Variants in KCNIP4 observed in about 807,000 individuals in gnomAD.
KCNIP4 encodes the protein potassium voltage-gated channel interacting protein 4, also known as Kv channel-interacting protein 4.
Under a neutral mutation model 34.0 loss-of-function variants are expected in KCNIP4, and 12 were observed. The observed-to-expected ratio is 0.35, with a 90% confidence interval of 0.23 to 0.57. The LOEUF (loss-of-function observed/expected upper bound fraction) is 0.57, where lower values mean the gene tolerates loss of function less well. Ranked by LOEUF, KCNIP4 falls within the 20% of genes least tolerant of loss-of-function variation. The pLI is 0.83. For missense variants in KCNIP4, 238 were observed against 311.7 expected, an observed-to-expected ratio of 0.76 and a Z score of 1.78; for synonymous variants, 124 against 102.2, an observed-to-expected ratio of 1.21 and a Z score of -1.29.
intron 1 of KCNIP4, among the ~76,000 whole-genome samples, chr4:21,838,473 AC>A (rs1226578640): frequency 9.2e-5 from 14 of 152,150 alleles, no homozygotes; most frequent in African/African-American, 3.4e-4. Context: ...GAACCTTTCC[AC>A]CCCAGTCATA....
intron 1 of KCNIP4, among the ~76,000 whole-genome samples, chr4:21,307,723 C>T (rs1227496549): frequency 6.6e-6 from 1 of 152,158 alleles, no homozygotes; most frequent in Non-Finnish European, 1.5e-5. Context: ...ACCAGCATGC[C>T]TCCTCTGCCT....
chr4:21,090,141 G>A (rs1261676245), intron 1 of KCNIP4, among the ~76,000 whole-genome samples: 2 of 152,112 alleles, frequency 1.3e-5, no homozygotes, highest in South Asian at 2.1e-4. Context: ...TTTTTCACAC[G>A]TATAGCCTGT....
At chr4:20,798,884 A>G (rs189946399) in intron 3 of KCNIP4, among the ~76,000 whole-genome samples, 10 of 152,276 alleles carry the variant, frequency 6.6e-5, no homozygotes, top group Admixed American at 2.6e-4. Context: ...GCTGAGCTAT[A>G]TTCAGAGAAG....
At chr4:21,303,984 T>A (rs561192370) in intron 1 of KCNIP4, 7 of 1,537,478 alleles carry the variant, frequency 4.6e-6, no homozygotes, top group East Asian at 2.4e-5. Flanking sequence ...GCCATTAAAC[T>A]ACATTAAGAA....
intron 3 of KCNIP4, among the ~76,000 whole-genome samples, chr4:20,762,321 A>G (rs562398155): frequency 5.9e-4 from 90 of 152,302 alleles, no homozygotes; most frequent in Non-Finnish European, 1.2e-3. Flanking sequence ...TCCTAATACT[A>G]TCACATTGGG....
intron 2 of KCNIP4, among the ~76,000 whole-genome samples, chr4:20,874,867 C>A (rs1723842193): frequency 6.6e-6 from 1 of 152,032 alleles, no homozygotes; most frequent in African/African-American, 2.4e-5. Flanking sequence ...AACGATAGGG[C>A]CAATTGGTAT....
rs1366204923 is a variant in KCNIP4 at position 21,247,759 on chromosome 4, T to TATATATATATATATAC, written c.62-365051_62-365050insGTATATATATATATAT. Among the ~76,000 whole-genome samples the TATATATATATATATAC allele has an allele frequency of 4.7e-4, 56 of 119,994 alleles. 2 individuals carry two copies. The highest frequency in any genetic ancestry group is 1.9e-3 in the African/African-American group (52 of 28,034). The allele number at this position is 119,994 out of a possible 152,430, so 78.7% of individuals were successfully genotyped here. A position where few individuals can be genotyped will look rare whatever the true frequency, so the allele number is the denominator to read the frequency against. ...GGATATATATATATATATATATATA[T>TATATATATATATATAC]ACACCCCACAGGTGTTTTTTATATA... On this transcript the variant is annotated intron_variant, in intron 1 of 8. Coordinates refer to ENST00000382152, the MANE Select transcript of KCNIP4 (RefSeq NM_025221.6).
intron 1 of KCNIP4, among the ~76,000 whole-genome samples, chr4:21,754,824 G>A (rs1214630832): frequency 6.6e-6 from 1 of 152,132 alleles, no homozygotes; most frequent in Non-Finnish European, 1.5e-5. Flanking sequence ...ATTTAGGACA[G>A]TTTTATCTTG....
At chr4:21,006,260 G>A (rs1319345114) in intron 1 of KCNIP4, among the ~76,000 whole-genome samples, 1 of 152,184 alleles carries the variant, frequency 6.6e-6, no homozygotes, top group Admixed American at 6.5e-5. Context: ...GTAGATAAGA[G>A]AAATTTAGAT....
chr4:21,172,948 A>G (rs977568441), intron 1 of KCNIP4, among the ~76,000 whole-genome samples: 6 of 152,088 alleles, frequency 3.9e-5, no homozygotes, highest in Non-Finnish European at 8.8e-5. Context: ...TCAGTGCCCA[A>G]CCTCATCCCC....
At chr4:21,527,104 G>T (rs1736031755) in intron 1 of KCNIP4, among the ~76,000 whole-genome samples, 1 of 152,090 alleles carries the variant, frequency 6.6e-6, no homozygotes, top group South Asian at 2.1e-4. Flanking sequence ...CCATTACAAG[G>T]GTTATGGCAT....
intron 1 of KCNIP4, among the ~76,000 whole-genome samples, chr4:21,762,617 TGCAAACATAAAACAAACCA>T (rs1412192014): frequency 6.6e-6 from 1 of 152,124 alleles, no homozygotes; most frequent in African/African-American, 2.4e-5. Context: ...GTTCCTCATC[TGCAAACATAAAACAAACCA>T]GCAAGGACAC....
intron 1 of KCNIP4, among the ~76,000 whole-genome samples, chr4:21,484,114 A>T (rs776019376): frequency 5.3e-5 from 8 of 152,050 alleles, no homozygotes; most frequent in Non-Finnish European, 1.0e-4. Flanking sequence ...ATATTGAATC[A>T]TGTAATTTTC....
intron 1 of KCNIP4, among the ~76,000 whole-genome samples, chr4:21,021,859 C>CGTATAGTATA (rs148164124): frequency 0.087 from 12,681 of 145,828 alleles, 612 homozygotes; most frequent in Admixed American, 0.13. Flanking sequence ...AGTATAGTAT[C>CGTATAGTATA]GTATAGTATA....
intron 1 of KCNIP4, among the ~76,000 whole-genome samples, chr4:21,125,188 C>CTTATTTTATTTTATTTTATTTTATT (rs71189682): frequency 0.1 from 11,993 of 118,960 alleles, 1,030 homozygotes; most frequent in Non-Finnish European, 0.13. Context: ...TTTATTTTGT[C>CTTATTTTATTTTATTTTATTTTATT]TTATTTTATT....
At chr4:21,526,528 C>T (rs1274108499) in intron 1 of KCNIP4, among the ~76,000 whole-genome samples, 2 of 151,964 alleles carry the variant, frequency 1.3e-5, no homozygotes, top group African/African-American at 2.4e-5. Flanking sequence ...AAGTTATGCA[C>T]CTTTCCTTGA....
chr4:21,354,946 G>A lies in KCNIP4; in HGVS notation c.62-472237C>T, dbSNP rs149587501. On this transcript the variant is annotated intron_variant, in intron 1 of 8. Transcript: ENST00000382152. ...AAAAGAACAGAAATCATAACAAACTGTCTCTCAGATTACAGTGCAATCAAA... is the reference window on the plus strand; with the variant it reads ...AAAAGAACAGAAATCATAACAAACTATCTCTCAGATTACAGTGCAATCAAA... Among the ~76,000 whole-genome samples, 130 of 152,224 alleles carry A rather than the reference G, an allele frequency of 8.5e-4. 3 individuals carry two copies. The East Asian group carries it at 0.025, about 29-fold the overall frequency.
intron 1 of KCNIP4, among the ~76,000 whole-genome samples, chr4:21,434,804 G>C (rs2109681035): frequency 6.8e-6 from 1 of 147,712 alleles, no homozygotes; most frequent in African/African-American, 2.5e-5. Flanking sequence ...CATGAAACCA[G>C]TCCCCGGTGG....
chr4:21,439,015 A>T (rs1727204710), intron 1 of KCNIP4, among the ~76,000 whole-genome samples: 3 of 152,104 alleles, frequency 2.0e-5, no homozygotes, highest in African/African-American at 7.2e-5. Flanking sequence ...ACGAAAAATT[A>T]ACCGGGCGTG....
Sources: gnomAD v4.1 joint callset for allele counts (sites outside exome capture counted in the v4.1 genomes callset) on GRCh38, gnomAD v4.1.1 for gene constraint, MANE v1.5 for transcripts, NCBI Gene and HGNC (gene_info 2026-07-23, HGNC 2026-07-21) for gene names.